Variants in UBE2K observed in about 807,000 individuals in gnomAD.
The protein encoded by UBE2K is ubiquitin-conjugating enzyme E2 K.
A neutral mutation model predicts 30.0 loss-of-function variants in UBE2K; 6 were observed. The ratio of observed to expected loss-of-function variants is 0.20; its 90% CI spans 0.11 to 0.39. UBE2K has a LOEUF of 0.39. Ranked by LOEUF, UBE2K falls within the 10% of genes least tolerant of loss-of-function variation. The pLI is 1.00. For missense variants in UBE2K, 61 were observed against 241.6 expected, an observed-to-expected ratio of 0.25 and a Z score of 4.96; for synonymous variants, 86 against 83.7, an observed-to-expected ratio of 1.03 and a Z score of -0.15.
chr4:39,710,558 T>C lies in UBE2K; in HGVS notation c.63+12168T>C, dbSNP rs952439777. On this transcript the variant is annotated intron_variant, in intron 1 of 6. Coordinates refer to ENST00000261427, the MANE Select transcript of UBE2K (RefSeq NM_005339.5). ...TCCTGGGATTACAGGCATGAGCTAC[T>C]GCACCCTGCCTATCTGACATTTTTT... Among the ~76,000 whole-genome samples, 8 of 152,100 alleles carry C rather than the reference T, an allele frequency of 5.3e-5. No individual in the cohort carries two copies. The South Asian group carries it at 1.4e-3, about 28-fold the overall frequency.
At chr4:39,757,119 G>A (rs906000020) in intron 4 of UBE2K, among the ~76,000 whole-genome samples, 1 of 150,024 alleles carries the variant, frequency 6.7e-6, no homozygotes, top group South Asian at 2.1e-4. Context: ...TCTGCCTACC[G>A]GGTTCAAGCG....
intron 1 of UBE2K, among the ~76,000 whole-genome samples, chr4:39,728,055 A>G (rs934378168): frequency 6.6e-6 from 1 of 151,930 alleles, no homozygotes; most frequent in African/African-American, 2.4e-5. Context: ...AATCGCTTCA[A>G]CCCGGGTGGT....
intron 4 of UBE2K, chr4:39,771,158 C>T: frequency 1.2e-6 from 2 of 1,612,914 alleles, no homozygotes; most frequent in East Asian, 4.5e-5. Flanking sequence ...ACAGCGAATT[C>T]CAGGGTGCCC....
chr4:39,720,336 T>C (rs1191667151), intron 1 of UBE2K, among the ~76,000 whole-genome samples: 1 of 147,910 alleles, frequency 6.8e-6, no homozygotes, highest in Non-Finnish European at 1.5e-5. Flanking sequence ...TTTTTTTTTC[T>C]GTAGTTTTCC....
At chr4:39,766,143 ACT>A (rs971140365) in intron 4 of UBE2K, among the ~76,000 whole-genome samples, 2 of 150,578 alleles carry the variant, frequency 1.3e-5, no homozygotes, top group African/African-American at 2.4e-5. Flanking sequence ...TTATATAGTA[ACT>A]CTGTGTTTTT....
At chr4:39,753,189 GACCAGCCTGGGTAATATGGTGAAAC>G (rs1721360430) in intron 3 of UBE2K, among the ~76,000 whole-genome samples, 1 of 152,116 alleles carries the variant, frequency 6.6e-6, no homozygotes, top group Non-Finnish European at 1.5e-5. Flanking sequence ...AGGAGTTCAA[GACCAGCCTGGGTAATATGGTGAAAC>G]CCCCAACACT....
At chr4:39,721,007 A>G (rs1173663990) in intron 1 of UBE2K, among the ~76,000 whole-genome samples, 1 of 152,152 alleles carries the variant, frequency 6.6e-6, no homozygotes, top group Admixed American at 6.5e-5. Context: ...TTGGCTTTCT[A>G]AAATGCTGAG....
Position 39,759,353 on chromosome 4 carries a change from T to G in UBE2K, c.299+3614T>G, listed in dbSNP as rs1157926271. On this transcript the variant is annotated intron_variant, in intron 4 of 6. Coordinates refer to ENST00000261427, the MANE Select transcript of UBE2K (RefSeq NM_005339.5). ...GTGCAATGGTGCCATCTCTGCTCAC[T>G]GCAACCTCCGCCTCCCGGGCTCAAG... 2.6e-5 allele frequency among the ~76,000 whole-genome samples: 4 copies of G among 152,334 alleles called. No homozygotes were observed. The East Asian group carries it at 7.7e-4, about 29-fold the overall frequency.
At chr4:39,760,945 T>A (rs1711902790) in intron 4 of UBE2K, 1 of 152,210 alleles carries the variant, frequency 6.6e-6, no homozygotes, top group Non-Finnish European at 1.5e-5. Context: ...TAAAAATTCA[T>A]CCAGCTGCAT....
At chr4:39,766,788 C>T (rs985266416) in intron 4 of UBE2K, among the ~76,000 whole-genome samples, 1 of 152,040 alleles carries the variant, frequency 6.6e-6, no homozygotes, top group Non-Finnish European at 1.5e-5. Flanking sequence ...CTCGCTCTGT[C>T]GCCCAGGCTG....
At chr4:39,768,447 C>CA (rs35005914) in intron 4 of UBE2K, among the ~76,000 whole-genome samples, 15,596 of 87,904 alleles carry the variant, frequency 0.18, 1,685 homozygotes, top group African/African-American at 0.34. Flanking sequence ...ACTTCGTTTC[C>CA]AAAAAAAAAA....
At chr4:39,718,381 T>G (rs1719224488) in intron 1 of UBE2K, among the ~76,000 whole-genome samples, 1 of 152,220 alleles carries the variant, frequency 6.6e-6, no homozygotes, top group Admixed American at 6.5e-5. Context: ...GATTGGTGCA[T>G]TCACAATCCC....
chr4:39,718,186 T>C (rs969469549), intron 1 of UBE2K, among the ~76,000 whole-genome samples: 5 of 152,038 alleles, frequency 3.3e-5, no homozygotes, highest in Non-Finnish European at 7.4e-5. Flanking sequence ...TTACAGAGAG[T>C]TGATTGGTCC....
At chr4:39,735,066 G>A (rs1720302334) in intron 1 of UBE2K, among the ~76,000 whole-genome samples, 1 of 152,190 alleles carries the variant, frequency 6.6e-6, no homozygotes, top group African/African-American at 2.4e-5. Flanking sequence ...TTGATGATTA[G>A]CAAGATGATT....
At chr4:39,764,960 G>C (rs1393243659) in intron 4 of UBE2K, among the ~76,000 whole-genome samples, 4 of 151,046 alleles carry the variant, frequency 2.6e-5, no homozygotes, top group African/African-American at 9.7e-5. Flanking sequence ...GATCTCGGCT[G>C]ACTGTAAGCT....
intron 2 of UBE2K, among the ~76,000 whole-genome samples, chr4:39,738,092 A>G (rs547994486): frequency 1.5e-4 from 23 of 152,332 alleles, no homozygotes; most frequent in Admixed American, 8.5e-4. Context: ...GGGTGGTAAG[A>G]TACAGAAATA....
At chr4:39,737,817 G>C (rs1444272454) in intron 2 of UBE2K, among the ~76,000 whole-genome samples, 1 of 152,136 alleles carries the variant, frequency 6.6e-6, no homozygotes, top group Non-Finnish European at 1.5e-5. Flanking sequence ...ATGGACTGTA[G>C]ACACTCAGTT....
intron 1 of UBE2K, among the ~76,000 whole-genome samples, chr4:39,736,117 G>A (rs982578978): frequency 1.3e-5 from 2 of 151,850 alleles, no homozygotes; most frequent in Non-Finnish European, 2.9e-5. Context: ...AAAAACATAA[G>A]AGTAGATATG....
intron 1 of UBE2K, among the ~76,000 whole-genome samples, chr4:39,724,254 C>T (rs921688347): frequency 1.3e-5 from 2 of 151,812 alleles, no homozygotes; most frequent in South Asian, 4.1e-4. Context: ...ACTATAGGCA[C>T]GCACCACCAC....
Sources: allele counts gnomAD v4.1 joint callset (sites outside exome capture counted in the v4.1 genomes callset), GRCh38; gene constraint gnomAD v4.1.1; transcripts MANE v1.5; gene names NCBI Gene and HGNC (gene_info 2026-07-23, HGNC 2026-07-21).